Variants in PDE4C observed in about 807,000 individuals in gnomAD.
PDE4C encodes the protein phosphodiesterase 4C, also known as 3',5'-cyclic-AMP phosphodiesterase 4C.
A neutral mutation model predicts 63.9 loss-of-function variants in PDE4C; 50 were observed. The ratio of observed to expected loss-of-function variants is 0.78; its 90% CI spans 0.62 to 0.99. PDE4C has a LOEUF of 0.99. Ranked by LOEUF, PDE4C falls within the 50% of genes least tolerant of loss-of-function variation. The pLI is 0.00. For synonymous variants in PDE4C, 377 were observed against 385.1 expected, an observed-to-expected ratio of 0.98 and a Z score of 0.25; for missense variants, 777 against 899.1, an observed-to-expected ratio of 0.86 and a Z score of 1.74.
exon 14 of PDE4C, chr19:18,211,825 C>G: frequency 6.2e-7 from 1 of 1,614,268 alleles, no homozygotes; most frequent in Non-Finnish European, 8.5e-7. Context: ...CCGACTCACG[C>G]TCGCGGTCTC....
chr19:18,250,049 G>A (rs1435575152), upstream of PDE4C: 1 of 398,584 alleles, frequency 2.5e-6, no homozygotes, highest in East Asian at 3.6e-5. Flanking sequence ...TGAATGGTAG[G>A]GGCTTTATTT....
chr19:18,244,046 T>G (rs1339326401), intron 1 of PDE4C, among the ~76,000 whole-genome samples: 1 of 151,614 alleles, frequency 6.6e-6, no homozygotes, highest in East Asian at 1.9e-4. Flanking sequence ...TTTTATTTTT[T>G]TATTTTTAGT....
chr19:18,226,592 C>T (rs1187146336), upstream of PDE4C: 1 of 394,988 alleles, frequency 2.5e-6, no homozygotes, highest in Admixed American at 4.8e-5. Context: ...GAGTCAGACG[C>T]AACTCTCTGC....
chr19:18,248,335 C>A, upstream of PDE4C: 1 of 400,714 alleles, frequency 2.5e-6, no homozygotes. Context: ...CACACACTTT[C>A]CTTGGGTGAG....
chr19:18,209,668 C>T (rs141310087), downstream of PDE4C: 20,456 of 148,754 alleles, frequency 0.14, 1,820 homozygotes, highest in Non-Finnish European at 0.18. Context: ...GGATTACAGG[C>T]GTGAGCCACC....
intron 12 of PDE4C, among the ~76,000 whole-genome samples, chr19:18,214,487 G>T (rs889971486): frequency 4.0e-5 from 6 of 151,890 alleles, no homozygotes; most frequent in Non-Finnish European, 5.9e-5. Context: ...AGGTGAGATT[G>T]AAGAGACTGA....
At chr19:18,226,717 T>C (rs112323056), upstream of PDE4C, among the ~76,000 whole-genome samples, 3,188 of 148,976 alleles carry the variant, frequency 0.021, 162 homozygotes, top group East Asian at 0.16. Flanking sequence ...GGGATCCTCC[T>C]ACCTCAGCCT....
chr19:18,232,911 TC>T, intron 1 of PDE4C: 1 of 1,188,684 alleles, frequency 8.4e-7, no homozygotes, highest in Non-Finnish European at 1.1e-6. Context: ...CGCGCGCCCC[TC>T]CCCCGCGCTG....
rs569345311 is a variant in PDE4C, at chr19:18,233,194, G to A, written c.-3C>T. 6 of 1,557,710 alleles carry A rather than the reference G, an allele frequency of 3.9e-6. No homozygotes were observed. The highest frequency in any genetic ancestry group is 5.2e-6 in the Non-Finnish European group (6 of 1,151,076). ...TCGCCGACCCCCAGGTTCTCCATGCGCCAGAGAAAGGGGTCTGGGATAGCA... is the reference window on the plus strand; with the variant it reads ...TCGCCGACCCCCAGGTTCTCCATGCACCAGAGAAAGGGGTCTGGGATAGCA... On this transcript the variant is annotated 5_prime_UTR_variant, in exon 1 of 15. Transcript: ENST00000594465.
At chr19:18,249,997 T>G, upstream of PDE4C, 1 of 397,658 alleles carries the variant, frequency 2.5e-6, no homozygotes, top group Admixed American at 4.4e-5. Context: ...GTTAATGTTT[T>G]CACACGAGTC....
intron 1 of PDE4C, chr19:18,224,354 T>A (rs758409672): frequency 2.6e-5 from 26 of 985,426 alleles, no homozygotes; most frequent in Non-Finnish European, 3.1e-5. Context: ...CGGCCAAGAC[T>A]TTTGGGTCAA....
At chr19:18,247,849 G>T (rs1222084299) in intron 1 of PDE4C, among the ~76,000 whole-genome samples, 1 of 152,118 alleles carries the variant, frequency 6.6e-6, no homozygotes, top group Non-Finnish European at 1.5e-5. Flanking sequence ...GAACCCCAAG[G>T]AACTAAATCA....
At chr19:18,244,594 C>A (rs1969099440) in intron 1 of PDE4C, among the ~76,000 whole-genome samples, 1 of 152,060 alleles carries the variant, frequency 6.6e-6, no homozygotes, top group Non-Finnish European at 1.5e-5. Context: ...CTCACCGCAA[C>A]CTCCGCCTCC....
At chr19:18,245,141 T>C (rs1253621381) in intron 1 of PDE4C, among the ~76,000 whole-genome samples, 1 of 130,850 alleles carries the variant, frequency 7.6e-6, no homozygotes, top group Non-Finnish European at 1.6e-5. Flanking sequence ...AGCCTGTTGT[T>C]GGTTTTTTGT....
In PDE4C at chr19:18,220,324, G is replaced by T. The variant is rs1194714507; in HGVS notation, c.613-5C>A. 3.1e-6 allele frequency: 5 copies of T among 1,614,068 alleles called. No homozygotes were observed. The South Asian group carries it at 4.4e-5, about 14-fold the overall frequency. On this transcript the variant is annotated splice_polypyrimidine_tract_variant and splice_region_variant and intron_variant, in intron 6 of 14. Coordinates refer to ENST00000262805, the Ensembl canonical transcript of PDE4C. This position sits in a 1 kb window ranked among gnomAD's most constrained non-coding sequence, Gnocchi z 5.1. ...CCGGTTCAGGATCCGCTTGAACTGGGGCGGAGAGAAGGTGAAGACCGTGAT... is the reference window on the plus strand; with the variant it reads ...CCGGTTCAGGATCCGCTTGAACTGGTGCGGAGAGAAGGTGAAGACCGTGAT...
intron 1 of PDE4C, among the ~76,000 whole-genome samples, chr19:18,232,135 C>A (rs913499089): frequency 6.6e-6 from 1 of 152,086 alleles, no homozygotes; most frequent in Non-Finnish European, 1.5e-5. Context: ...GAGACTAAGG[C>A]GGGAGGATTA....
In PDE4C at chr19:18,222,852, C is replaced by A. The variant is rs192984687; in HGVS notation, c.147-529G>T. Among the ~76,000 whole-genome samples the A allele has an allele frequency of 7.9e-5, 12 of 150,948 alleles. No homozygotes were observed. In the East Asian group the frequency reaches 2.2e-3, roughly 27 times the overall value. On this transcript the variant is annotated intron_variant, in intron 1 of 14. Transcript: ENST00000262805. ...GTAGCTGAGACTACAGGAGCATGCC[C>A]CAACACTCGGCTAATTTTAAAATTT...
At chr19:18,249,248 G>A (rs993705511), upstream of PDE4C, among the ~76,000 whole-genome samples, 12 of 152,042 alleles carry the variant, frequency 7.9e-5, no homozygotes, top group African/African-American at 2.7e-4. Context: ...AGATTACAGT[G>A]GTAAGCCACC....
chr19:18,228,043 C>T (rs939461741), upstream of PDE4C, among the ~76,000 whole-genome samples: 13 of 152,144 alleles, frequency 8.5e-5, no homozygotes, highest in African/African-American at 1.4e-4. Context: ...AACCAGACCT[C>T]GCTGTCCCCA....
Sources: allele counts gnomAD v4.1 joint callset (sites outside exome capture counted in the v4.1 genomes callset), GRCh38; gene constraint gnomAD v4.1.1; non-coding constraint Gnocchi (gnomAD v3.1); transcripts MANE v1.5; gene names NCBI Gene and HGNC (gene_info 2026-07-23, HGNC 2026-07-21).